The following CTNNA2 variants were observed in gnomAD, a reference collection of about 807,000 sequenced individuals.
CTNNA2 encodes catenin alpha-2.
In CTNNA2, 42 loss-of-function variants were observed where a neutral mutation model predicts 101.0. The ratio of observed to expected loss-of-function variants is 0.42; its 90% confidence interval spans 0.32 to 0.54. The LOEUF (loss-of-function observed/expected upper bound fraction) is 0.54, where lower values mean the gene tolerates loss of function less well. CTNNA2 is among the 20% of genes least tolerant of loss of function. CTNNA2 has a pLI of 0.14. For synonymous variants in CTNNA2, 450 were observed against 456.4 expected, an observed-to-expected ratio of 0.99 and a Z score of 0.18; for missense variants, 871 against 1,223.1, an observed-to-expected ratio of 0.71 and a Z score of 4.29.
chr2:79,517,289 C>G (rs909360471), intron 1 of CTNNA2, among the ~76,000 whole-genome samples: 4 of 152,062 alleles, frequency 2.6e-5, no homozygotes, highest in African/African-American at 9.7e-5. Flanking sequence ...AAATTTTACC[C>G]ACAAGTTTGA....
At chr2:79,836,419 T>G (rs1195923251) in intron 3 of CTNNA2, among the ~76,000 whole-genome samples, 1 of 152,214 alleles carries the variant, frequency 6.6e-6, no homozygotes, top group Non-Finnish European at 1.5e-5. Context: ...GAGTACACTT[T>G]CAAATGTTTT....
intron 7 of CTNNA2, among the ~76,000 whole-genome samples, chr2:80,018,706 G>A (rs982209852): frequency 8.6e-5 from 13 of 151,600 alleles, no homozygotes; most frequent in African/African-American, 1.5e-4. Flanking sequence ...GTTTGAACCC[G>A]GGAGACAGAG....
chr2:79,733,577 C>T (rs1398666267), intron 2 of CTNNA2, among the ~76,000 whole-genome samples: 3 of 151,846 alleles, frequency 2.0e-5, no homozygotes, highest in Admixed American at 1.3e-4. Flanking sequence ...TAAGTTCATC[C>T]CTGCAATTCC....
chr2:79,600,128 A>G (rs1358288893), intron 1 of CTNNA2, among the ~76,000 whole-genome samples: 1 of 151,890 alleles, frequency 6.6e-6, no homozygotes, highest in Non-Finnish European at 1.5e-5. Flanking sequence ...TAAGATCTGG[A>G]CCCTAAATTG....
chr2:79,336,020 A>G (rs1352069179), intron 3 of CTNNA2, among the ~76,000 whole-genome samples: 1 of 152,232 alleles, frequency 6.6e-6, no homozygotes, highest in Non-Finnish European at 1.5e-5. Context: ...TAAATCTGCA[A>G]ACAAAACTCC....
At chr2:80,045,081 T>G (rs1385303006) in intron 7 of CTNNA2, among the ~76,000 whole-genome samples, 1 of 152,166 alleles carries the variant, frequency 6.6e-6, no homozygotes, top group East Asian at 1.9e-4. Flanking sequence ...AGAGTAATGG[T>G]CTCAGGGCAG....
chr2:79,993,990 A>G (rs1215147652), intron 7 of CTNNA2, among the ~76,000 whole-genome samples: 1 of 152,098 alleles, frequency 6.6e-6, no homozygotes, highest in Non-Finnish European at 1.5e-5. Context: ...TGCAGCCTCA[A>G]CCTCCTAGAC....
chr2:80,548,914 G>A (rs1438939222), intron 11 of CTNNA2, among the ~76,000 whole-genome samples: 3 of 151,968 alleles, frequency 2.0e-5, no homozygotes, highest in Non-Finnish European at 4.4e-5. Context: ...TCTTCTTAGG[G>A]GAATATCTCT....
At chr2:80,544,936 T>G in intron 9 of CTNNA2, 46 bp from the exon 10 acceptor site, 1 of 1,535,348 alleles carries the variant, frequency 6.5e-7, no homozygotes, top group Non-Finnish European at 9.0e-7. Flanking sequence ...CAGTATACTT[T>G]CCCTTTGCCC....
chr2:80,256,464 C>A (rs1002915284), intron 7 of CTNNA2, among the ~76,000 whole-genome samples: 1 of 152,156 alleles, frequency 6.6e-6, no homozygotes, highest in Non-Finnish European at 1.5e-5. Flanking sequence ...AATAACCTCT[C>A]TTTTCCAGAA....
At chr2:80,145,073 C>G (rs143057472) in intron 7 of CTNNA2, among the ~76,000 whole-genome samples, 5 of 152,102 alleles carry the variant, frequency 3.3e-5, no homozygotes, top group African/African-American at 9.7e-5. Flanking sequence ...GTTCTAGAAG[C>G]TATGGATACA....
intron 7 of CTNNA2, among the ~76,000 whole-genome samples, chr2:80,258,954 G>A (rs1672385836): frequency 6.6e-6 from 1 of 152,110 alleles, no homozygotes; most frequent in Admixed American, 6.5e-5. Context: ...CTACAGAGAA[G>A]GAGGCCCCCA....
chr2:80,562,934 AG>A (rs1396509077), intron 12 of CTNNA2, among the ~76,000 whole-genome samples: 1 of 151,850 alleles, frequency 6.6e-6, no homozygotes, highest in African/African-American at 2.4e-5. Flanking sequence ...AGGTGGAGAT[AG>A]GGTACGGTAA....
chr2:80,564,472 T>G, intron 12 of CTNNA2, among the ~76,000 whole-genome samples: 1 of 152,094 alleles, frequency 6.6e-6, no homozygotes, highest in South Asian at 2.1e-4. Flanking sequence ...TGCTCCCTGA[T>G]TCTTTTAGGG....
chr2:80,555,664 A>C, intron 11 of CTNNA2, 29 bp from the exon 12 acceptor site: 1 of 1,353,512 alleles, frequency 7.4e-7, no homozygotes, highest in Non-Finnish European at 9.9e-7. Flanking sequence ...ATGTAAAGTC[A>C]TCTAAATGTG....
chr2:80,230,808 G>A (rs2149073408), intron 7 of CTNNA2, among the ~76,000 whole-genome samples: 1 of 152,228 alleles, frequency 6.6e-6, no homozygotes. Flanking sequence ...CATTCCCAAA[G>A]CTTGCTCTAC....
In CTNNA2 at chr2:80,206,589, CG is replaced by C. The variant is rs1186705096; in HGVS notation, c.1057-186619del. On this transcript the variant is annotated intron_variant, in intron 7 of 18. Transcript: ENST00000402739. ...AGAGAAGAGGTATCTACATATAGTG[CG>C]GGCAGGGAGAAGCGAGTGCATTCTA... 7.2e-5 allele frequency among the ~76,000 whole-genome samples: 11 copies of C among 152,080 alleles called. No homozygotes were observed. The East Asian group carries it at 2.1e-3, about 29-fold the overall frequency.
In CTNNA2 at chr2:79,218,465, G is replaced by A. The variant is rs1432773992; in HGVS notation, c.-406+20389G>A. 9.2e-5 allele frequency among the ~76,000 whole-genome samples: 14 copies of A among 152,136 alleles called. No individual in the cohort carries two copies. In the East Asian group the frequency reaches 2.5e-3, roughly 27 times the overall value. ...CCCAAAGAGCTGGGATTATAGGCGT[G>A]AGCCACTGCACACAGCTTCCTTCAT... On this transcript the variant is annotated intron_variant, in intron 2 of 21. Transcript: ENST00000466387.
At chr2:80,368,889 C>T (rs943112262) in intron 7 of CTNNA2, among the ~76,000 whole-genome samples, 2 of 126,990 alleles carry the variant, frequency 1.6e-5, no homozygotes, top group Admixed American at 8.2e-5. Flanking sequence ...ATATATTTGG[C>T]ACGCTAGGCT....
Sources: allele counts gnomAD v4.1 joint callset (sites outside exome capture counted in the v4.1 genomes callset), GRCh38; gene constraint gnomAD v4.1.1; transcripts MANE v1.5; gene names NCBI Gene and HGNC (gene_info 2026-07-23, HGNC 2026-07-21).